The following ACSS1 variants were observed in gnomAD, a reference collection of about 807,000 sequenced individuals.
ACSS1 encodes the protein acyl-CoA synthetase short chain family member 1.
In ACSS1, 42 loss-of-function variants were observed where a neutral mutation model predicts 75.3. That is an observed-to-expected ratio of 0.56 (90% CI 0.44 to 0.72). ACSS1 has a LOEUF of 0.72. Ranked by LOEUF, ACSS1 falls within the 30% of genes least tolerant of loss-of-function variation. The pLI is 0.00. For synonymous variants in ACSS1, 380 were observed against 376.8 expected (o/e 1.01, Z -0.10); for missense variants, 782 against 935.7 (o/e 0.84, Z 2.14).
chr20:25,013,494 T>C (rs1456959998), intron 10 of ACSS1, 42 bp downstream of exon 10: 2 of 1,555,446 alleles, frequency 1.3e-6, no homozygotes, highest in Non-Finnish European at 1.7e-6. Context: ...ATTCCAGCAG[T>C]CAGCTGAAAA....
rs758117687 is a variant in ACSS1, at chr20:25,012,623, G to A, written c.1749C>T (p.Tyr583=). The A allele has an allele frequency of 6.2e-7, 1 of 1,613,970 alleles. No homozygotes were observed. Among genetic ancestry groups the A allele is most frequent in the South Asian group, 1.1e-5 (1 of 91,080 alleles). The change falls in exon 12 of 14, where the codon TAC becomes TAT. Residue 583 remains tyrosine (Y), a synonymous_variant. Coordinates refer to ENST00000323482, the MANE Select transcript of ACSS1 (RefSeq NM_032501.4). The part of the protein sequence containing the change: ...PAVPESAVIG[Y]PHDIKGEAAF... ...CACCTTCTCCTTTGATGTCGTGGGG[G>A]TAGCCAATGACAGCACTTTCTGGTA...
chr20:25,014,125 C>T (rs780837257), intron 8 of ACSS1, 52 bp from the exon 9 acceptor site: 31 of 1,449,446 alleles, frequency 2.1e-5, no homozygotes, highest in Middle Eastern at 1.7e-4. Flanking sequence ...CCCAGGGATA[C>T]GTGTATCCAG....
chr20:25,034,532 A>C (rs2122701520), intron 2 of ACSS1, among the ~76,000 whole-genome samples: 1 of 151,950 alleles, frequency 6.6e-6, no homozygotes, highest in African/African-American at 2.4e-5. Context: ...CCCAGAGCTG[A>C]ATGTGGGTAC....
intron 1 of ACSS1, among the ~76,000 whole-genome samples, chr20:25,051,964 G>A (rs562708173): frequency 6.6e-6 from 1 of 152,138 alleles, no homozygotes; most frequent in Admixed American, 6.5e-5. Flanking sequence ...CCCCAAGAAG[G>A]CAAACAGAAC....
At chr20:25,053,248 TGAGATGG>T (rs2089200894) in intron 1 of ACSS1, among the ~76,000 whole-genome samples, 1 of 137,796 alleles carries the variant, frequency 7.3e-6, no homozygotes. Flanking sequence ...TTTTTTTTTT[TGAGATGG>T]GGTTCTCACT....
In ACSS1 at chr20:25,041,450, G is replaced by A. The variant is rs143674058; in HGVS notation, c.431+6635C>T. Among the ~76,000 whole-genome samples, 907 of 152,244 alleles carry A rather than the reference G, an allele frequency of 6.0e-3. 6 individuals are homozygous for A. Among genetic ancestry groups the A allele is most frequent in the Non-Finnish European group, 9.6e-3 (652 of 68,012 alleles). On this transcript the variant is annotated intron_variant, in intron 2 of 13. Coordinates refer to ENST00000323482, the MANE Select transcript of ACSS1 (RefSeq NM_032501.4). ...ACCGTACTCCCGGGCATAAGGCCAC[G>A]GGCTGAGAGCACGCCCACAGACTCT...
At chr20:25,036,364 A>G (rs528146107) in intron 2 of ACSS1, among the ~76,000 whole-genome samples, 32 of 152,302 alleles carry the variant, frequency 2.1e-4, no homozygotes, top group African/African-American at 7.7e-4. Flanking sequence ...TAAAGATACA[A>G]TCTGACTGCA....
chr20:25,008,776 T>G (rs997791967), intron 13 of ACSS1, among the ~76,000 whole-genome samples: 1 of 152,190 alleles, frequency 6.6e-6, no homozygotes, highest in Non-Finnish European at 1.5e-5. Context: ...TCCCCATGTC[T>G]CTAATGAAAA....
chr20:25,007,799 T>C lies in ACSS1; in HGVS notation c.2033A>G (p.Tyr678Cys), dbSNP rs2088335058. 1.9e-6 allele frequency: 3 copies of C among 1,614,130 alleles called. No homozygotes were observed. The highest frequency in any genetic ancestry group is 4.5e-5 in the East Asian group (2 of 44,868). ...PSIIAEILSV[Y>C]QKCKDKQAAA... ...AGCCTGCTTGTCCTTGCACTTCTGG[T>C]AGACACTCAGGATCTCTGCGATGAT... The change falls in exon 14 of 14, where the codon TAC becomes TGC. Residue 678 changes from tyrosine to cysteine, a missense_variant. Around this residue, in one of 2 missense-constraint regions of ACSS1, gnomAD observed 405 missense variants for 552.6 expected, o/e 0.73. Coordinates refer to ENST00000323482, the MANE Select transcript of ACSS1 (RefSeq NM_032501.4).
At chr20:25,014,244 T>C (rs561230366) in intron 8 of ACSS1, among the ~76,000 whole-genome samples, 171 bp from the exon 9 acceptor site, 1 of 152,294 alleles carries the variant, frequency 6.6e-6, no homozygotes, top group East Asian at 1.9e-4. Flanking sequence ...ACTGTGGATA[T>C]GAGAGGCGGC....
At position 25,013,986 on chromosome 20, in the gene ACSS1, A is replaced by T. The variant is rs1209548962; in HGVS notation, c.1427T>A (p.Ile476Asn). 1 of 1,613,772 alleles carries T rather than the reference A, an allele frequency of 6.2e-7. No individual in the cohort carries two copies. The highest frequency in any genetic ancestry group is 8.5e-7 in the Non-Finnish European group (1 of 1,179,954). The change falls in exon 9 of 14, where the codon ATC becomes AAC. Residue 476 changes from isoleucine (I) to asparagine (N), a missense_variant. This residue lies in a region of ACSS1 where 405 missense variants were observed against 552.6 expected (regional missense o/e 0.73). Coordinates refer to ENST00000323482, the MANE Select transcript of ACSS1 (RefSeq NM_032501.4). Reference sequence around the variant, plus strand: ...CTTCTCATCCATGAGGACGGGGACGATGCCAAAGAAGGGCCTCATCGCCAT... The same window carrying T: ...CTTCTCATCCATGAGGACGGGGACGTTGCCAAAGAAGGGCCTCATCGCCAT... ...PAMAMRPFFG[I>N]VPVLMDEKGS...
chr20:25,016,602 G>T (rs1467103181), intron 7 of ACSS1, among the ~76,000 whole-genome samples: 1 of 152,230 alleles, frequency 6.6e-6, no homozygotes, highest in Non-Finnish European at 1.5e-5. Context: ...CATCCATGCT[G>T]CATGATCAGT....
chr20:25,045,332 G>A (rs912397568), intron 2 of ACSS1, among the ~76,000 whole-genome samples: 2 of 152,146 alleles, frequency 1.3e-5, no homozygotes, highest in African/African-American at 4.8e-5. Context: ...GGGAAGCAGG[G>A]ATTGCAAATC....
rs767578042 is a variant in ACSS1, at chr20:25,023,457, G to A, written c.807+9C>T. ...CTCGCCTCAAACTGTGCAAAGCGAG[G>A]TAACCCACCTGCTCCAGCGGGACGT... On this transcript the variant is annotated intron_variant, in intron 4 of 13. Transcript: ENST00000323482. 1.2e-6 allele frequency: 2 copies of A among 1,613,910 alleles called. No homozygotes were observed. Among genetic ancestry groups the A allele is most frequent in the Non-Finnish European group, 1.7e-6 (2 of 1,179,980 alleles).
chr20:25,026,316 T>G (rs1178960376), intron 3 of ACSS1, among the ~76,000 whole-genome samples: 2 of 152,196 alleles, frequency 1.3e-5, no homozygotes, highest in Non-Finnish European at 2.9e-5. Context: ...GAATCTAGAA[T>G]GGCCACGGAC....
At chr20:25,057,652 G>T (rs2089262083) in intron 1 of ACSS1, 117 bp downstream of exon 1, 1 of 991,514 alleles carries the variant, frequency 1.0e-6, no homozygotes, top group African/African-American at 1.7e-5. Context: ...CCGGAGGAGG[G>T]GCCCCTGCAG....
At chr20:25,029,867 T>C (rs2088791414) in intron 3 of ACSS1, among the ~76,000 whole-genome samples, 1 of 152,218 alleles carries the variant, frequency 6.6e-6, no homozygotes, top group Admixed American at 6.5e-5. Context: ...TTGCATAAAA[T>C]ACTTATGAAG....
At chr20:25,008,460 T>C (rs569388450) in intron 13 of ACSS1, among the ~76,000 whole-genome samples, 16 of 152,340 alleles carry the variant, frequency 1.1e-4, no homozygotes, top group African/African-American at 3.8e-4. Flanking sequence ...TGACAGTCAT[T>C]CTGTCTTTTG....
intron 10 of ACSS1, 24 bp downstream of exon 10, chr20:25,013,512 G>C: frequency 1.9e-6 from 3 of 1,567,852 alleles, no homozygotes; most frequent in Non-Finnish European, 2.6e-6. Flanking sequence ...AAAGGAATGA[G>C]AGGGTCCCTG....
Sources: gnomAD v4.1 joint callset for allele counts (sites outside exome capture counted in the v4.1 genomes callset) on GRCh38, gnomAD v4.1.1 for gene constraint, gnomAD v4.1.1 regional missense constraint, MANE v1.5 for transcripts, NCBI Gene and HGNC (gene_info 2026-07-23, HGNC 2026-07-21) for gene names.